The following CDH23 variants were observed in gnomAD, a reference collection of about 807,000 sequenced individuals.
CDH23 encodes cadherin related 23.
CDH23 carries 189 observed loss-of-function variants against 317.1 expected under a neutral mutation model. The ratio of observed to expected loss-of-function variants is 0.60; its 90% CI spans 0.53 to 0.67. The LOEUF (loss-of-function observed/expected upper bound fraction) is 0.67, where lower values mean the gene tolerates loss of function less well. Ranked by LOEUF, CDH23 falls within the 30% of genes least tolerant of loss-of-function variation. The probability of loss-of-function intolerance (pLI) is 0.00; values close to 1 mark genes in which losing one functional copy is unlikely to be tolerated. For synonymous variants in CDH23, 1,839 were observed against 1,876.8 expected (o/e 0.98, Z 0.52); for missense variants, 4,401 against 4,592.4 (o/e 0.96, Z 1.20).
chr10:71,553,642 T>A (rs1030255910), intron 6 of CDH23, among the ~76,000 whole-genome samples: 7 of 152,374 alleles, frequency 4.6e-5, no homozygotes, highest in Admixed American at 4.6e-4. Flanking sequence ...TTGCTGGAGC[T>A]GTCTTCTTAT....
chr10:71,523,877 G>T (rs1282054820), intron 6 of CDH23, among the ~76,000 whole-genome samples: 4 of 152,190 alleles, frequency 2.6e-5, no homozygotes, highest in Non-Finnish European at 5.9e-5. Flanking sequence ...TCCCCTTAAA[G>T]ATTCTTTCCC....
chr10:71,717,731 A>T (rs767499871), intron 28 of CDH23: 1 of 152,258 alleles, frequency 6.6e-6, no homozygotes, highest in Non-Finnish European at 1.5e-5. Flanking sequence ...GTGCAGGCCC[A>T]GTGTGGTCAG....
In CDH23 at chr10:71,810,637, G is replaced by A. The variant is rs576438109; in HGVS notation, c.9077+68G>A. 1.9e-4 allele frequency: 267 copies of A among 1,406,694 alleles called. 1 individual carries two copies. In the African/African-American group the frequency reaches 2.4e-3, roughly 13 times the overall value. The allele number at this position is 1,406,694 out of a possible 1,614,324, so 87.1% of individuals were successfully genotyped here. A position where few individuals can be genotyped will look rare whatever the true frequency, so the allele number is the denominator to read the frequency against. The stretch of plus-strand genomic sequence containing the variant: ...CCTGCCTCCCTGCCCTGGAGTAGGG[G>A]AGGGGACACACCAAAGGAGACACAG... On this transcript the variant is annotated intron_variant, in intron 62 of 69. Transcript: ENST00000224721.
At position 71,566,738 on chromosome 10, in the gene CDH23, C is replaced by A; in HGVS notation, c.430-4C>A. 6.3e-7 allele frequency: 1 copy of A among 1,590,576 alleles called. No homozygotes were observed. Among genetic ancestry groups the A allele is most frequent in the Non-Finnish European group, 8.6e-7 (1 of 1,164,558 alleles). On this transcript the variant is annotated splice_region_variant and splice_polypyrimidine_tract_variant and intron_variant, in intron 6 of 69. Coordinates refer to ENST00000224721, the MANE Select transcript of CDH23 (RefSeq NM_022124.6). ...CCTTGTACTTGCTTTGCTCTCATCCCCAGAATACACCAGTGGGGACGCCCA... is the reference window on the plus strand; with the variant it reads ...CCTTGTACTTGCTTTGCTCTCATCCACAGAATACACCAGTGGGGACGCCCA...
At chr10:71,504,909 C>T (rs1462671646) in intron 3 of CDH23, among the ~76,000 whole-genome samples, 4 of 152,208 alleles carry the variant, frequency 2.6e-5, no homozygotes, top group Non-Finnish European at 4.4e-5. Flanking sequence ...TCTAACCTGG[C>T]TGTGTGTGAG....
chr10:71,794,977 GA>G lies in CDH23; in HGVS notation c.6712+1339del, dbSNP rs1841361291. On this transcript the variant is annotated intron_variant, in intron 48 of 69. Coordinates refer to ENST00000224721, the MANE Select transcript of CDH23 (RefSeq NM_022124.6). Reference sequence around the variant, plus strand: ...TACCAGCCAGCAGTGCCAGCGGTGAGAAGCAATAAATTAGACACACACAGAG... The same window carrying G: ...TACCAGCCAGCAGTGCCAGCGGTGAGAGCAATAAATTAGACACACACAGAG... Among the ~76,000 whole-genome samples, 2 of 152,154 alleles carry G rather than the reference GA, an allele frequency of 1.3e-5. 1 individual carries two copies. The highest frequency in any genetic ancestry group is 1.3e-4 in the Admixed American group (2 of 15,272).
At chr10:71,705,245 C>A in intron 25 of CDH23, 115 bp downstream of exon 25, 1 of 974,150 alleles carries the variant, frequency 1.0e-6, no homozygotes, top group Non-Finnish European at 1.5e-6. Context: ...GACTTGTAGG[C>A]ACAGGCTCCC....
chr10:71,706,953 G>C lies in CDH23; in HGVS notation c.3010G>C (p.Val1004Leu). The C allele has an allele frequency of 1.9e-6, 3 of 1,607,384 alleles. No individual in the cohort carries two copies. Among genetic ancestry groups the C allele is most frequent in the Non-Finnish European group, 2.5e-6 (3 of 1,177,198 alleles). Residue 1004 changes from valine to leucine, a missense_variant, in exon 26 of 70, where the codon GTG (valine) becomes CTG (leucine). Physicochemically the swap from Val to Leu is conservative, Grantham distance 32 (BLOSUM62 1). Coordinates refer to ENST00000224721, the MANE Select transcript of CDH23 (RefSeq NM_022124.6). Reference sequence around the variant, plus strand: ...CTTCCCGGCCGTGTACAATGTGTCTGTGTCCGAGGACGTGCCACGCGAGTT... The same window carrying C: ...CTTCCCGGCCGTGTACAATGTGTCTCTGTCCGAGGACGTGCCACGCGAGTT... ...TFFPAVYNVSVSEDVPREFRV... is the reference protein window; with the variant it reads ...TFFPAVYNVSLSEDVPREFRV...
chr10:71,467,625 C>T (rs74144999), intron 3 of CDH23, among the ~76,000 whole-genome samples: 2,656 of 152,280 alleles, frequency 0.017, 79 homozygotes, highest in African/African-American at 0.061. Context: ...GCCGCCACCA[C>T]CTGTGTGCCT....
intron 3 of CDH23, among the ~76,000 whole-genome samples, chr10:71,490,991 C>G (rs1852622673): frequency 1.3e-5 from 2 of 152,092 alleles, no homozygotes; most frequent in Admixed American, 1.3e-4. Context: ...GCCTGGACAA[C>G]AGAGCGAGAC....
Position 71,615,001 on chromosome 10 carries a change from G to T in CDH23, c.833-503G>T, listed in dbSNP as rs150964604. On this transcript the variant is annotated intron_variant, in intron 9 of 69. Transcript: ENST00000224721. ...CTTTAATTTACATTTTTTGTAAAAG[G>T]AAACTTTACATCACGGTCATAAATA... Among the ~76,000 whole-genome samples the T allele has an allele frequency of 4.9e-3, 739 of 152,086 alleles. 7 individuals are homozygous for T. Among genetic ancestry groups the T allele is most frequent in the African/African-American group, 0.017 (709 of 41,478 alleles).
intron 24 of CDH23, among the ~76,000 whole-genome samples, chr10:71,704,072 CGCAAGTAAAGTAA>C (rs1865689719): frequency 1.3e-5 from 2 of 152,204 alleles, no homozygotes; most frequent in South Asian, 4.1e-4. Context: ...TAGAGCTGTG[CGCAAGTAAAGTAA>C]AAGTACTGAG....
intron 38 of CDH23, chr10:71,752,998 G>A (rs1278838384): frequency 1.2e-6 from 2 of 1,612,946 alleles, no homozygotes; most frequent in Non-Finnish European, 1.7e-6. Flanking sequence ...CCAGCTCCTG[G>A]GCACCTAGGG....
chr10:71,727,919 C>T (rs1400704670), intron 30 of CDH23, among the ~76,000 whole-genome samples: 1 of 152,166 alleles, frequency 6.6e-6, no homozygotes, highest in Non-Finnish European at 1.5e-5. Flanking sequence ...CTTGCCTCCT[C>T]CTGTCTCTGC....
At chr10:71,586,877 A>C (rs2132431617) in intron 9 of CDH23, among the ~76,000 whole-genome samples, 1 of 152,352 alleles carries the variant, frequency 6.6e-6, no homozygotes, top group South Asian at 2.1e-4. Flanking sequence ...CCATGCTGTC[A>C]GGTGGGTATT....
At chr10:71,424,074 C>T (rs1168779660) in intron 1 of CDH23, among the ~76,000 whole-genome samples, 4 of 152,256 alleles carry the variant, frequency 2.6e-5, no homozygotes, top group African/African-American at 9.6e-5. Context: ...GGACACGCAT[C>T]GCGTGCCAGG....
intron 3 of CDH23, among the ~76,000 whole-genome samples, chr10:71,487,665 G>A (rs116696004): frequency 0.011 from 1,628 of 152,182 alleles, 21 homozygotes; most frequent in African/African-American, 0.031. Context: ...ACTTTTCTCC[G>A]TATGGCCCTT....
intron 11 of CDH23, among the ~76,000 whole-genome samples, chr10:71,622,539 G>A (rs969314442): frequency 2.0e-5 from 3 of 152,244 alleles, no homozygotes; most frequent in Middle Eastern, 3.4e-3. Context: ...AGGGTGGCTC[G>A]GAGACCATCC....
At chr10:71,657,299 G>A (rs1254838648) in intron 14 of CDH23, among the ~76,000 whole-genome samples, 1 of 152,244 alleles carries the variant, frequency 6.6e-6, no homozygotes, top group African/African-American at 2.4e-5. Context: ...AATGGGAAGA[G>A]TAATTCCTAT....
Sources: allele counts gnomAD v4.1 joint callset (sites outside exome capture counted in the v4.1 genomes callset), GRCh38; gene constraint gnomAD v4.1.1; transcripts MANE v1.5; gene names NCBI Gene and HGNC (gene_info 2026-07-23, HGNC 2026-07-21).